PTPRQ: variants seen among roughly 807,000 people sequenced by gnomAD.
PTPRQ encodes the protein protein tyrosine phosphatase receptor type Q.
PTPRQ carries 199 observed loss-of-function variants against 246.0 expected under a neutral mutation model. That is an observed-to-expected ratio of 0.81 (90% CI 0.72 to 0.91). The LOEUF (loss-of-function observed/expected upper bound fraction) is 0.91. Among genes scored for constraint, PTPRQ ranks in the 40% least tolerant of loss-of-function variants. The probability of loss-of-function intolerance (pLI) is 0.00; values close to 1 mark genes in which losing one functional copy is unlikely to be tolerated. For missense variants in PTPRQ, 2,624 were observed against 2,528.4 expected (o/e 1.04, Z -0.81); for synonymous variants, 869 against 853.2 (o/e 1.02, Z -0.32).
chr12:80,623,960 C>T (rs1899098267), intron 33 of PTPRQ, among the ~76,000 whole-genome samples: 1 of 152,178 alleles, frequency 6.6e-6, no homozygotes, highest in Admixed American at 6.6e-5. Context: ...TAAGTAATCT[C>T]AAAGAGCTCC....
chr12:80,480,001 C>G (rs1464211610), intron 8 of PTPRQ, among the ~76,000 whole-genome samples: 1 of 152,050 alleles, frequency 6.6e-6, no homozygotes, highest in Admixed American at 6.6e-5. Flanking sequence ...AGGAATTGAA[C>G]TCAGCTCTGC....
At chr12:80,468,252 T>C (rs569556501) in intron 6 of PTPRQ, among the ~76,000 whole-genome samples, 2 of 152,272 alleles carry the variant, frequency 1.3e-5, no homozygotes, top group East Asian at 3.9e-4. Context: ...ATACAAAAAG[T>C]AAAAATTATT....
chr12:80,557,904 A>C (rs1052795050), intron 25 of PTPRQ, among the ~76,000 whole-genome samples: 2 of 152,074 alleles, frequency 1.3e-5, no homozygotes, highest in African/African-American at 4.8e-5. Context: ...GGACACCACT[A>C]ATCTGTTCTC....
chr12:80,549,326 T>C, intron 24 of PTPRQ, 139 bp from the exon 25 acceptor site: 1 of 1,087,374 alleles, frequency 9.2e-7, no homozygotes, highest in Admixed American at 3.0e-5. Flanking sequence ...AATGACTTTT[T>C]AAGCACACAT....
At chr12:80,594,832 A>G (rs533070274) in intron 26 of PTPRQ, among the ~76,000 whole-genome samples, 21 of 152,272 alleles carry the variant, frequency 1.4e-4, no homozygotes, top group African/African-American at 4.6e-4. Context: ...CTCTTAGATA[A>G]TTACAAAAGA....
chr12:80,619,270 T>C (rs1216535962), intron 30 of PTPRQ, 114 bp from the exon 31 acceptor site: 5 of 1,220,562 alleles, frequency 4.1e-6, no homozygotes, highest in South Asian at 1.7e-5. Context: ...TAATTTGTTA[T>C]TTATGTTTGT....
In PTPRQ at chr12:80,581,788, T is replaced by C. The variant is rs946373670; in HGVS notation, c.4286-6341T>C. On this transcript the variant is annotated intron_variant, in intron 25 of 44. Coordinates refer to ENST00000644991, the MANE Select transcript of PTPRQ (RefSeq NM_001145026.2). ...ATAAATAGCAAAGCCATACACCCAA[T>C]AGAAAAAAAAGTAGAAAAAATACAA... Among the ~76,000 whole-genome samples, 15 of 151,312 alleles carry C rather than the reference T, an allele frequency of 9.9e-5. 1 individual carries two copies. The highest frequency in any genetic ancestry group is 7.8e-4 in the East Asian group (4 of 5,134).
At chr12:80,560,893 T>C (rs1896804005) in intron 25 of PTPRQ, 1 of 153,166 alleles carries the variant, frequency 6.5e-6, no homozygotes, top group Non-Finnish European at 1.5e-5. Flanking sequence ...CCTATGGACA[T>C]GGTTAATTGT....
chr12:80,454,349 C>G (rs545059225), intron 3 of PTPRQ: 1 of 143,256 alleles, frequency 7.0e-6, no homozygotes, highest in Non-Finnish European at 1.5e-5. Context: ...CGCCCTGCTT[C>G]GGCTCACGCA....
intron 9 of PTPRQ, among the ~76,000 whole-genome samples, chr12:80,490,370 A>G (rs1592575393): frequency 6.6e-6 from 1 of 152,030 alleles, no homozygotes; most frequent in Non-Finnish European, 1.5e-5. Context: ...ATACAATTAC[A>G]TTCACTATAA....
chr12:80,658,100 C>CA (rs1379806290), intron 39 of PTPRQ, 39 bp downstream of exon 39: 1 of 1,144,624 alleles, frequency 8.7e-7, no homozygotes. Context: ...TTGTATAAAA[C>CA]ATAATTACTG....
intron 30 of PTPRQ, among the ~76,000 whole-genome samples, chr12:80,618,694 G>A (rs1177808905): frequency 2.6e-5 from 4 of 151,416 alleles, no homozygotes; most frequent in East Asian, 1.9e-4. Context: ...CCAGATGAAC[G>A]GTTGAATAAA....
intron 8 of PTPRQ, among the ~76,000 whole-genome samples, chr12:80,479,552 A>G (rs1215190230): frequency 6.8e-6 from 1 of 146,304 alleles, no homozygotes; most frequent in African/African-American, 2.6e-5. Context: ...TAAATGGACT[A>G]AATGCTCCAA....
chr12:80,593,181 T>C (rs535510939), intron 26 of PTPRQ, among the ~76,000 whole-genome samples: 1 of 152,300 alleles, frequency 6.6e-6, no homozygotes, highest in East Asian at 1.9e-4. Flanking sequence ...CACTTACTAA[T>C]ATAACATCTT....
chr12:80,535,967 C>G (rs1350895534), intron 19 of PTPRQ, among the ~76,000 whole-genome samples: 6 of 152,074 alleles, frequency 3.9e-5, no homozygotes, highest in Non-Finnish European at 7.4e-5. Context: ...ATTAGCCAGG[C>G]GTCGTGGCAG....
chr12:80,534,503 A>G (rs1188853384), intron 18 of PTPRQ, among the ~76,000 whole-genome samples: 1 of 152,092 alleles, frequency 6.6e-6, no homozygotes, highest in African/African-American at 2.4e-5. Flanking sequence ...TAAACGAAAC[A>G]ACATAAAATG....
rs1223363096 is a variant in PTPRQ at position 80,534,193 on chromosome 12, G to T, written c.2839+18G>T. On this transcript the variant is annotated intron_variant, in intron 18 of 44. Coordinates refer to ENST00000644991, the MANE Select transcript of PTPRQ (RefSeq NM_001145026.2). ...AGAGGGAGGTGAGTTAAGGATGTAT[G>T]CCAATTAAAAGAATGTTCTTTTTCT... is the stretch of plus-strand genomic sequence containing the variant. The T allele has an allele frequency of 6.9e-7, 1 of 1,458,752 alleles. No individual in the cohort carries two copies. The highest frequency in any genetic ancestry group is 9.1e-7 in the Non-Finnish European group (1 of 1,103,148). 90.4% of individuals were successfully genotyped at this position (1,458,752 alleles called of 1,614,324 possible).
chr12:80,449,870 G>T (rs1213847074), intron 3 of PTPRQ, among the ~76,000 whole-genome samples: 2 of 151,962 alleles, frequency 1.3e-5, no homozygotes, highest in South Asian at 2.1e-4. Context: ...CTCTTTTTTG[G>T]TTCCATATGA....
chr12:80,467,261 C>A (rs1347763449), intron 6 of PTPRQ, among the ~76,000 whole-genome samples: 2 of 151,840 alleles, frequency 1.3e-5, no homozygotes. Context: ...AAAAGATGCT[C>A]ACCATCACTG....
Sources: gnomAD v4.1 joint callset for allele counts (sites outside exome capture counted in the v4.1 genomes callset) on GRCh38, gnomAD v4.1.1 for gene constraint, MANE v1.5 for transcripts, NCBI Gene and HGNC (gene_info 2026-07-23, HGNC 2026-07-21) for gene names.